HGD: variants seen among roughly 807,000 people sequenced by gnomAD.
HGD encodes the protein homogentisate oxidase.
A neutral mutation model predicts 60.8 loss-of-function variants in HGD; 61 were observed. That is an observed-to-expected ratio of 1.00 (90% CI 0.82 to 1.24). HGD has a LOEUF of 1.24. HGD is among the 50% of genes most tolerant of loss of function. The pLI, the probability that HGD is intolerant of heterozygous loss-of-function variation, is 0.00. For missense variants in HGD, 542 were observed against 547.1 expected, an observed-to-expected ratio of 0.99 and a Z score of 0.09; for synonymous variants, 212 against 187.7, an observed-to-expected ratio of 1.13 and a Z score of -1.06.
rs1447439273 is a variant in HGD at position 120,646,982 on chromosome 3, G to A, written c.540C>T (p.Cys180=). Residue 180 remains cysteine, a synonymous_variant, in exon 8 of 14, where the codon TGC becomes TGT. Coordinates refer to ENST00000283871, the MANE Select transcript of HGD (RefSeq NM_000187.4). ...GKMLVQPNEI[C]VIQRGMRFSI... is the part of the protein sequence containing the mutation. ...GGGACACATCACCAACCTGAATGAC[G>A]CAGATCTCATTGGGCTGTACAAGCA... is the stretch of plus-strand genomic sequence containing the variant. The A allele has an allele frequency of 2.5e-5, 40 of 1,613,154 alleles. No individual in the cohort carries two copies. The highest frequency in any genetic ancestry group is 3.3e-5 in the South Asian group (3 of 91,072).
At chr3:120,643,492 C>A (rs979380956) in intron 10 of HGD, among the ~76,000 whole-genome samples, 1 of 152,170 alleles carries the variant, frequency 6.6e-6, no homozygotes, top group Non-Finnish European at 1.5e-5. Flanking sequence ...TTTTGAGAGA[C>A]CTTGACCCAG....
intron 12 of HGD, among the ~76,000 whole-genome samples, chr3:120,637,767 C>G (rs804973): frequency 1.3e-5 from 2 of 152,052 alleles, no homozygotes; most frequent in African/African-American, 2.4e-5. Context: ...TGTTTAGAAG[C>G]CTTTCTAACA....
chr3:120,670,493 G>A lies in HGD; in HGVS notation c.216C>T (p.Pro72=). 6.2e-7 allele frequency: 1 copy of A among 1,610,430 alleles called. No individual in the cohort carries two copies. Among genetic ancestry groups the A allele is most frequent in the Non-Finnish European group, 8.5e-7 (1 of 1,176,696 alleles). Reference sequence around the variant, plus strand: ...CTTGGCCTTCGTCAATGGATTCAAAGGGCTTGTGAGAAACTGAAGGTAGAA... The same window carrying A: ...CTTGGCCTTCGTCAATGGATTCAAAAGGCTTGTGAGAAACTGAAGGTAGAA... ...YRILPSVSHK[P]FESIDEGQVT... Residue 72 remains proline, a synonymous_variant, in exon 4 of 14, where the codon CCC becomes CCT. Transcript: ENST00000283871.
intron 4 of HGD, among the ~76,000 whole-genome samples, chr3:120,659,313 T>C (rs569136453): frequency 3.3e-5 from 5 of 152,232 alleles, no homozygotes; most frequent in South Asian, 2.1e-4. Flanking sequence ...CATGTGGGCA[T>C]AGGCGGTTAG....
chr3:120,666,569 G>A (rs553165184), intron 4 of HGD, among the ~76,000 whole-genome samples: 9 of 152,182 alleles, frequency 5.9e-5, no homozygotes, highest in South Asian at 2.1e-4. Flanking sequence ...CACAACCTCC[G>A]CCTCCTGGGT....
In HGD at chr3:120,663,107, C is replaced by T. The variant is rs180970464; in HGVS notation, c.282+7320G>A. Among the ~76,000 whole-genome samples the T allele has an allele frequency of 1.1e-3, 160 of 152,170 alleles. 1 individual carries two copies. The highest frequency in any genetic ancestry group is 3.8e-3 in the African/African-American group (156 of 41,516). On this transcript the variant is annotated intron_variant, in intron 4 of 13. Coordinates refer to ENST00000283871, the MANE Select transcript of HGD (RefSeq NM_000187.4). ...AGAAAGTAAATCTCTTTTGCTTAAG[C>T]CACCCAGTATCTTTTTGTTATGATA... is the stretch of plus-strand genomic sequence containing the variant.
At chr3:120,675,937 A>T in intron 1 of HGD, 74 bp from the exon 2 acceptor site, 2 of 1,111,902 alleles carry the variant, frequency 1.8e-6, no homozygotes, top group Non-Finnish European at 2.8e-6. Context: ...GCAGTTTACT[A>T]AGGTAAGAAT....
At chr3:120,644,175 G>T in intron 10 of HGD, 144 bp downstream of exon 10, 6 of 945,020 alleles carry the variant, frequency 6.3e-6, no homozygotes, top group Non-Finnish European at 8.5e-6. Flanking sequence ...TTGACTACTA[G>T]AACTATTTGC....
chr3:120,644,474 A>T, intron 9 of HGD, 31 bp from the exon 10 acceptor site: 2 of 1,613,784 alleles, frequency 1.2e-6, no homozygotes, highest in Admixed American at 3.3e-5. Context: ...AGTCTTTTAG[A>T]AACTTCCAAA....
At chr3:120,670,615 G>A (rs980518089) in intron 3 of HGD, 83 bp from the exon 4 acceptor site, 6 of 825,704 alleles carry the variant, frequency 7.3e-6, no homozygotes, top group Non-Finnish European at 1.3e-5. Flanking sequence ...AGTACCATCA[G>A]GAAGACACTC....
chr3:120,658,823 C>A (rs1359997417), intron 4 of HGD, among the ~76,000 whole-genome samples: 1 of 152,242 alleles, frequency 6.6e-6, no homozygotes, highest in Non-Finnish European at 1.5e-5. Flanking sequence ...TGTGCACCTG[C>A]AGTCTTAACA....
intron 4 of HGD, among the ~76,000 whole-genome samples, chr3:120,664,015 A>T (rs1707839228): frequency 6.6e-6 from 1 of 152,082 alleles, no homozygotes; most frequent in Admixed American, 6.5e-5. Context: ...TCTGCGGAAA[A>T]TTCAGATTTG....
At chr3:120,667,717 C>T (rs1036073663) in intron 4 of HGD, among the ~76,000 whole-genome samples, 1 of 152,110 alleles carries the variant, frequency 6.6e-6, no homozygotes, top group African/African-American at 2.4e-5. Flanking sequence ...GGCAGGAGCC[C>T]TGGAACTCCC....
intron 12 of HGD, 49 bp from the exon 13 acceptor site, chr3:120,633,377 T>C: frequency 6.2e-7 from 1 of 1,613,798 alleles, no homozygotes; most frequent in African/African-American, 1.3e-5. Context: ...GCAAGACCAG[T>C]AAAACACAAA....
At chr3:120,633,827 T>C (rs1940669883) in intron 12 of HGD, among the ~76,000 whole-genome samples, 1 of 152,170 alleles carries the variant, frequency 6.6e-6, no homozygotes, top group African/African-American at 2.4e-5. Flanking sequence ...TAGATGATAA[T>C]GTAATGAAAA....
Position 120,670,285 on chromosome 3 carries a change from G to C in HGD, c.282+142C>G, listed in dbSNP as rs1383592375. On this transcript the variant is annotated intron_variant, in intron 4 of 13. Transcript: ENST00000283871. Reference sequence around the variant, plus strand: ...CTAATACACCACCCAAGTTTGAGCAGAAAACAGACACACTTTAGCATTTAT... The same window carrying C: ...CTAATACACCACCCAAGTTTGAGCACAAAACAGACACACTTTAGCATTTAT... 3 of 685,652 alleles carry C rather than the reference G, an allele frequency of 4.4e-6. No individual in the cohort carries two copies. In the African/African-American group the frequency reaches 5.3e-5, roughly 12 times the overall value. The allele number at this position is 685,652 out of a possible 1,614,324, so 42.5% of individuals were successfully genotyped here.
intron 11 of HGD, 38 bp from the exon 12 acceptor site, chr3:120,638,619 A>C: frequency 6.2e-7 from 1 of 1,612,566 alleles, no homozygotes; most frequent in Non-Finnish European, 8.5e-7. Flanking sequence ...GCATGATGCA[A>C]GGGAAGTGAC....
chr3:120,628,654 C>G, intron 13 of HGD, 125 bp from the exon 14 acceptor site: 1 of 1,155,504 alleles, frequency 8.7e-7, no homozygotes, highest in East Asian at 2.4e-5. Flanking sequence ...GATTTGTGTG[C>G]TAGAGTGGTG....
At chr3:120,642,724 T>TG (rs150305024) in intron 10 of HGD, among the ~76,000 whole-genome samples, 54 of 152,292 alleles carry the variant, frequency 3.5e-4, no homozygotes, top group South Asian at 3.1e-3. Context: ...TGAGGTCATA[T>TG]GGGGGATGCA....
Sources: allele counts gnomAD v4.1 joint callset (sites outside exome capture counted in the v4.1 genomes callset), GRCh38; gene constraint gnomAD v4.1.1; transcripts MANE v1.5; gene names NCBI Gene and HGNC (gene_info 2026-07-23, HGNC 2026-07-21).